The following ASTL variants were observed in gnomAD, a reference collection of about 807,000 sequenced individuals.
ASTL encodes astacin-like metalloendopeptidase.
A neutral mutation model predicts 36.7 loss-of-function variants in ASTL; 27 were observed. The ratio of observed to expected loss-of-function variants is 0.73; its 90% CI spans 0.54 to 1.01. The LOEUF is 1.01. Ranked by LOEUF, ASTL falls within the 50% of genes least tolerant of loss-of-function variation. The probability of loss-of-function intolerance (pLI) is 0.00; values close to 1 mark genes in which losing one functional copy is unlikely to be tolerated. For missense variants in ASTL, 524 were observed against 572.8 expected (o/e 0.91, Z 0.87); for synonymous variants, 222 against 228.1 (o/e 0.97, Z 0.24).
rs1006180570 is a variant in ASTL, at chr2:96,123,262, C to T, written c.*588G>A. Among the ~76,000 whole-genome samples, 29 of 152,214 alleles carry T rather than the reference C, an allele frequency of 1.9e-4. No individual in the cohort carries two copies. The highest frequency in any genetic ancestry group is 6.2e-4 in the South Asian group (3 of 4,834). On this transcript the variant is annotated 3_prime_UTR_variant, in exon 9 of 9. Transcript: ENST00000342380. ...TGGGGCCCCACTTCTTTCTCGTCTC[C>T]CCAATGGTGGCCACACTTGACCTAC... is the stretch of plus-strand genomic sequence containing the variant.
rs759861243 is a variant in ASTL at position 96,137,584 on chromosome 2, T to C, written c.172A>G (p.Ile58Val). Residue 58 changes from isoleucine to valine, a missense_variant, in exon 2 of 9, where the codon ATT (isoleucine) becomes GTT (valine). Physicochemically the swap from Ile to Val is conservative, Grantham distance 29 (BLOSUM62 3). Transcript: ENST00000342380. ...GATGTAGTGCCCTCACCTTGGTTAATTGCAGGAATGTCCTTGTCCCCGGAG... is the reference window on the plus strand; with the variant it reads ...GATGTAGTGCCCTCACCTTGGTTAACTGCAGGAATGTCCTTGTCCCCGGAG... Reference protein sequence around the residue: ...QASGDKDIPAINQGLILEETP... With the variant: ...QASGDKDIPAVNQGLILEETP... 1.2e-6 allele frequency: 2 copies of C among 1,613,722 alleles called. No homozygotes were observed. Among genetic ancestry groups the C allele is most frequent in the South Asian group, 1.1e-5 (1 of 91,084 alleles).
At chr2:96,133,649 G>A in intron 4 of ASTL, 107 bp from the exon 5 acceptor site, 1 of 846,562 alleles carries the variant, frequency 1.2e-6, no homozygotes. Flanking sequence ...ATAGCATCAA[G>A]AAAGGGCAGC....
rs766863005 is a variant in ASTL, at chr2:96,124,104, A to G, written c.1042T>C (p.Ser348Pro). ...GPGESPHGWESPALKKLSAEA... is the reference protein window; with the variant it reads ...GPGESPHGWEPPALKKLSAEA... ...GCACTGAGCTTTTTCAGGGCAGGGGACTCCCACCCATGTGGGCTCTCCCCA... is the reference window on the plus strand; with the variant it reads ...GCACTGAGCTTTTTCAGGGCAGGGGGCTCCCACCCATGTGGGCTCTCCCCA... The change falls in exon 9 of 9, where the codon TCC becomes CCC. Residue 348 changes from serine (S) to proline (P), a missense_variant. Physicochemically the swap from Ser to Pro is moderately conservative, Grantham distance 74. Coordinates refer to ENST00000342380, the MANE Select transcript of ASTL (RefSeq NM_001002036.4). This position sits in a 1 kb window ranked among gnomAD's most constrained non-coding sequence, Gnocchi z 4.1. The G allele has an allele frequency of 8.7e-6, 14 of 1,604,222 alleles. No homozygotes were observed. Among genetic ancestry groups the G allele is most frequent in the Middle Eastern group, 3.3e-4 (2 of 6,004 alleles).
intron 8 of ASTL, among the ~76,000 whole-genome samples, chr2:96,128,096 G>A (rs1682099120): frequency 7.4e-6 from 1 of 135,864 alleles, no homozygotes; most frequent in Non-Finnish European, 1.7e-5. Flanking sequence ...GCCAGGCATG[G>A]TGGTGCGTGA....
chr2:96,126,623 C>T (rs1451468421), intron 8 of ASTL, among the ~76,000 whole-genome samples: 4 of 152,066 alleles, frequency 2.6e-5, no homozygotes, highest in African/African-American at 7.2e-5. Context: ...TTTGGGAGGC[C>T]GAGACGGGTA....
rs1573907953 is a variant in ASTL, at chr2:96,123,661, A to C, written c.*189T>G. ...CCTTCCCCTGTGGCAGAGCTAGAAG[A>C]ACCCCTGGCCCTAGGAGCCCTTAGG... On this transcript the variant is annotated 3_prime_UTR_variant, in exon 9 of 9. Transcript: ENST00000342380. Among the ~76,000 whole-genome samples the C allele has an allele frequency of 6.6e-6, 1 of 152,160 alleles. No homozygotes were observed. The highest frequency in any genetic ancestry group is 2.4e-5 in the African/African-American group (1 of 41,414).
chr2:96,124,177 G>A lies in ASTL; in HGVS notation c.969C>T (p.Pro323=), dbSNP rs766384031. 1.9e-5 allele frequency: 29 copies of A among 1,537,990 alleles called. No individual in the cohort carries two copies. The highest frequency in any genetic ancestry group is 8.3e-5 in the Admixed American group (4 of 48,072). The stretch of plus-strand genomic sequence containing the variant: ...CTCCCGCACTGGAACCACTGGGGTC[G>A]GGGCTCCTGGATTCCGCCGACAGTG... ...LEALSAESRS[P]DPSGSSAGGQ... Residue 323 remains proline (P), a synonymous_variant, in exon 9 of 9, where the codon CCC becomes CCT. Transcript: ENST00000342380. The surrounding 1 kb of genome is among the most constrained non-coding windows in gnomAD (Gnocchi z 4.1).
chr2:96,130,533 G>A (rs1026947022), intron 6 of ASTL, among the ~76,000 whole-genome samples: 5 of 152,202 alleles, frequency 3.3e-5, no homozygotes, highest in African/African-American at 1.2e-4. Flanking sequence ...CCTTGACCCA[G>A]CTTTAAAAAG....
intron 8 of ASTL, among the ~76,000 whole-genome samples, chr2:96,125,056 A>G (rs926985826): frequency 6.6e-6 from 1 of 152,158 alleles, no homozygotes; most frequent in Admixed American, 6.5e-5. Flanking sequence ...CCACCTGTGC[A>G]CACTGAGGTA....
At chr2:96,134,372 G>A (rs1682252880) in intron 3 of ASTL, among the ~76,000 whole-genome samples, 1 of 152,180 alleles carries the variant, frequency 6.6e-6, no homozygotes, top group African/African-American at 2.4e-5. Context: ...GAAGGGCTTG[G>A]GCCAGCAGCC....
At chr2:96,135,490 T>C in intron 2 of ASTL, 78 bp from the exon 3 acceptor site, 1 of 1,267,366 alleles carries the variant, frequency 7.9e-7, no homozygotes. Context: ...AAATCCCTAC[T>C]TACTTAAGTC....
intron 2 of ASTL, among the ~76,000 whole-genome samples, chr2:96,136,188 T>A (rs891744668): frequency 6.6e-6 from 1 of 152,138 alleles, no homozygotes; most frequent in Non-Finnish European, 1.5e-5. Context: ...CTCAGCCAGA[T>A]CCCATGGGCG....
At chr2:96,125,678 C>T (rs1682050501) in intron 8 of ASTL, among the ~76,000 whole-genome samples, 1 of 152,168 alleles carries the variant, frequency 6.6e-6, no homozygotes, top group South Asian at 2.1e-4. Context: ...CATGCTGGCT[C>T]ACATCTGTAA....
Position 96,129,832 on chromosome 2 carries a change from C to A in ASTL, c.866G>T (p.Arg289Leu), listed in dbSNP as rs145550482. 4.4e-5 allele frequency: 69 copies of A among 1,551,286 alleles called. No individual in the cohort carries two copies. In the African/African-American group the frequency reaches 8.8e-4, roughly 20 times the overall value. Residue 289 changes from arginine to leucine, a missense_variant, in exon 8 of 9, where the codon CGT (arginine) becomes CTT (leucine). Arg to Leu is a moderately radical substitution (Grantham distance 102). Coordinates refer to ENST00000342380, the MANE Select transcript of ASTL (RefSeq NM_001002036.4). ...YGCSPSGPRP[R>L]GRGSHAHSTG... ...CCTGCCATGCCACTCACCTCTCCCA[C>A]GGGGCCTGGGGCCACTTGGGCTGCA...
At chr2:96,134,426 C>T (rs1352156669) in intron 3 of ASTL, among the ~76,000 whole-genome samples, 5 of 152,190 alleles carry the variant, frequency 3.3e-5, no homozygotes, top group African/African-American at 1.2e-4. Flanking sequence ...GGGGAACAGC[C>T]ACCAGGCTTC....
chr2:96,127,594 G>A (rs773255034), intron 8 of ASTL, among the ~76,000 whole-genome samples: 7 of 151,734 alleles, frequency 4.6e-5, no homozygotes, highest in Middle Eastern at 3.2e-3. Context: ...TTTTCTTTGC[G>A]ACAGAGTCTG....
At position 96,124,032 on chromosome 2, in the gene ASTL, A is replaced by T. The variant is rs771633909; in HGVS notation, c.1114T>A (p.Ser372Thr). The T allele has an allele frequency of 1.4e-5, 23 of 1,613,812 alleles. No homozygotes were observed. The South Asian group carries it at 2.4e-4, about 17-fold the overall frequency. Residue 372 changes from serine (S) to threonine (T), a missense_variant, in exon 9 of 9, where the codon TCA becomes ACA. By Grantham distance (58) the Ser-to-Thr change is moderately conservative. Transcript: ENST00000342380. This position sits in a 1 kb window ranked among gnomAD's most constrained non-coding sequence, Gnocchi z 4.1. The stretch of plus-strand genomic sequence containing the variant: ...CCGGGGGCACCTGCTCCAGGCCTTG[A>T]TCTTGGGGAGGAAGCTAGGGTCTGA... Reference protein sequence around the residue: ...QPQTLASSPRSRPGAGAPGVA... With the variant: ...QPQTLASSPRTRPGAGAPGVA...
chr2:96,133,520 G>A lies in ASTL; in HGVS notation c.360C>T (p.Ile120=), dbSNP rs372973273. 6.2e-7 allele frequency: 1 copy of A among 1,614,114 alleles called. No homozygotes were observed. Among genetic ancestry groups the A allele is most frequent in the Non-Finnish European group, 8.5e-7 (1 of 1,179,958 alleles). Residue 120 remains isoleucine, a synonymous_variant, in exon 5 of 9, where the codon ATC becomes ATT. Transcript: ENST00000342380. ...GTTCAAACTCCGCAAGAGCCTCCAG[G>A]ATGACCTGGCGGCTGGGCTCATCTG... The part of the protein sequence containing the change: ...SKYDEPSRQV[I]LEALAEFERS...
intron 1 of ASTL, 88 bp downstream of exon 1, chr2:96,138,294 C>T (rs1682347078): frequency 8.0e-7 from 1 of 1,247,938 alleles, no homozygotes. Flanking sequence ...AGCTACAATC[C>T]CTGCAGGCTC....
Sources: allele counts gnomAD v4.1 joint callset (sites outside exome capture counted in the v4.1 genomes callset), GRCh38; gene constraint gnomAD v4.1.1; non-coding constraint Gnocchi (gnomAD v3.1); transcripts MANE v1.5; gene names NCBI Gene and HGNC (gene_info 2026-07-23, HGNC 2026-07-21).